The following ROCK2 variants were observed in gnomAD, a reference collection of about 807,000 sequenced individuals.
ROCK2 encodes the protein rho-associated protein kinase 2.
ROCK2 carries 61 observed loss-of-function variants against 195.1 expected under a neutral mutation model. The observed-to-expected ratio is 0.31, with a 90% CI of 0.25 to 0.39. ROCK2 has a LOEUF of 0.39. ROCK2 is among the 10% of genes least tolerant of loss of function. ROCK2 has a pLI of 1.00. For missense variants in ROCK2, 1,109 were observed against 1,637.4 expected, an observed-to-expected ratio of 0.68 and a Z score of 5.57; for synonymous variants, 504 against 545.5, an observed-to-expected ratio of 0.92 and a Z score of 1.06.
At chr2:11,251,210 C>G (rs1184323942) in intron 3 of ROCK2, among the ~76,000 whole-genome samples, 1 of 152,168 alleles carries the variant, frequency 6.6e-6, no homozygotes, top group Non-Finnish European at 1.5e-5. Flanking sequence ...TATTTATCAC[C>G]TATTTCTCAG....
Position 11,293,737 on chromosome 2 carries a change from T to C in ROCK2, c.142-6001A>G, listed in dbSNP as rs116732011. ...TAAAATATCTTGATTACTGTGGCTT[T>C]TTAGGGTTCTCCCTCAAATTTTGTT... is the stretch of plus-strand genomic sequence containing the variant. On this transcript the variant is annotated intron_variant, in intron 1 of 32. Coordinates refer to ENST00000315872, the MANE Select transcript of ROCK2 (RefSeq NM_004850.5). Among the ~76,000 whole-genome samples the C allele has an allele frequency of 8.9e-3, 1,358 of 152,314 alleles. 16 individuals are homozygous for C. Among genetic ancestry groups the C allele is most frequent in the African/African-American group, 0.031 (1,284 of 41,564 alleles).
intron 12 of ROCK2, 90 bp from the exon 13 acceptor site, chr2:11,216,296 G>T: frequency 1.1e-6 from 1 of 942,756 alleles, no homozygotes; most frequent in East Asian, 2.7e-5. Flanking sequence ...TAATTACTTG[G>T]TAGCTCTCCT....
intron 5 of ROCK2, among the ~76,000 whole-genome samples, chr2:11,227,636 A>G (rs983039922): frequency 9.9e-5 from 15 of 152,236 alleles, no homozygotes; most frequent in East Asian, 7.7e-4. Flanking sequence ...GGCTTCCTCA[A>G]TGAAAGAAGA....
chr2:11,324,301 G>A (rs1322996969), intron 1 of ROCK2, among the ~76,000 whole-genome samples: 1 of 152,144 alleles, frequency 6.6e-6, no homozygotes, highest in Non-Finnish European at 1.5e-5. Context: ...TGGGCATGGT[G>A]GTGAGTGCCT....
At chr2:11,219,336 CA>C (rs35159426) in intron 9 of ROCK2, among the ~76,000 whole-genome samples, 1,886 of 67,272 alleles carry the variant, frequency 0.028, 13 homozygotes, top group East Asian at 0.063. Flanking sequence ...CTTATCTCTA[CA>C]AAAAAAAAAA....
chr2:11,235,893 C>T lies in ROCK2; in HGVS notation c.532G>A (p.Val178Ile). ...VMEYMPGGDL[V>I]NLMSNYDVPE... ...ACATCATAATTACTCATAAGGTTTA[C>T]AAGGTCTCCACCAGGCATGTACTCC... The change falls in exon 5 of 33, where the codon GTA becomes ATA. Residue 178 changes from valine (V) to isoleucine (I), a missense_variant. Val to Ile is a conservative substitution (Grantham distance 29). Around this residue, in one of 6 missense-constraint regions of ROCK2, gnomAD observed 253 missense variants for 455.5 expected, o/e 0.56. Coordinates refer to ENST00000315872, the MANE Select transcript of ROCK2 (RefSeq NM_004850.5). The surrounding 1 kb of genome is among the most constrained non-coding windows in gnomAD (Gnocchi z 4.2). 2 of 1,613,848 alleles carry T rather than the reference C, an allele frequency of 1.2e-6. No homozygotes were observed. The highest frequency in any genetic ancestry group is 1.7e-6 in the Non-Finnish European group (2 of 1,179,870).
intron 3 of ROCK2, among the ~76,000 whole-genome samples, chr2:11,254,725 C>CT (rs1665958298): frequency 1.1e-4 from 1 of 9,134 alleles, no homozygotes; most frequent in African/African-American, 2.0e-4. Context: ...GACCCTGTCT[C>CT]TTAAAAAAAA....
intron 1 of ROCK2, among the ~76,000 whole-genome samples, chr2:11,339,758 A>G (rs766263988): frequency 1.3e-5 from 2 of 152,190 alleles, no homozygotes; most frequent in Non-Finnish European, 2.9e-5. Context: ...GTTTAGAGAT[A>G]CACACAAATG....
rs181147067 is a variant in ROCK2, at chr2:11,263,059, T to G, written c.325-13261A>C. On this transcript the variant is annotated intron_variant, in intron 3 of 32. Transcript: ENST00000315872. ...GAAATTACAAAAACATGTTGAGAGA[T>G]AATTTTTGCAACTTAGAAATAACCC... Among the ~76,000 whole-genome samples the G allele has an allele frequency of 5.3e-5, 8 of 152,276 alleles. No individual in the cohort carries two copies. In the East Asian group the frequency reaches 1.5e-3, roughly 29 times the overall value.
chr2:11,264,287 C>T (rs756310922), intron 3 of ROCK2, among the ~76,000 whole-genome samples: 4 of 152,088 alleles, frequency 2.6e-5, no homozygotes, highest in Non-Finnish European at 4.4e-5. Context: ...AACTGGATAA[C>T]GATGGAGTGG....
intron 1 of ROCK2, among the ~76,000 whole-genome samples, chr2:11,322,362 G>T (rs963453497): frequency 6.6e-6 from 1 of 151,536 alleles, no homozygotes; most frequent in Non-Finnish European, 1.5e-5. Context: ...GGTATCACTA[G>T]TGTGTGTATA....
intron 20 of ROCK2, among the ~76,000 whole-genome samples, chr2:11,204,746 G>A (rs1663989985): frequency 1.3e-5 from 2 of 152,104 alleles, no homozygotes; most frequent in Non-Finnish European, 2.9e-5. Flanking sequence ...CTTTTACATT[G>A]TGTCTGGTTC....
chr2:11,341,137 CAATCTGCAACCATAAAAGAGAT>C (rs960005566), intron 1 of ROCK2, among the ~76,000 whole-genome samples: 2 of 151,920 alleles, frequency 1.3e-5, no homozygotes, highest in African/African-American at 4.8e-5. Context: ...AAGCGGCTCA[CAATCTGCAACCATAAAAGAGAT>C]ATACTCTTCT....
At chr2:11,295,052 G>C (rs926988402) in intron 1 of ROCK2, among the ~76,000 whole-genome samples, 7 of 151,938 alleles carry the variant, frequency 4.6e-5, no homozygotes, top group Non-Finnish European at 1.0e-4. Context: ...GCCTCCCAAA[G>C]TGCTAGGATT....
At chr2:11,269,809 G>A (rs954285044) in intron 3 of ROCK2, among the ~76,000 whole-genome samples, 3 of 152,154 alleles carry the variant, frequency 2.0e-5, no homozygotes, top group Non-Finnish European at 4.4e-5. Flanking sequence ...GGAGTAAAGT[G>A]GTATGATCAT....
rs542495119 is a variant in ROCK2 at position 11,252,499 on chromosome 2, C to G, written c.325-2701G>C. On this transcript the variant is annotated intron_variant, in intron 3 of 32. Transcript: ENST00000315872. ...TCATTCTACTATGAAGACACATGCA[C>G]ACGTATGTTTATTGCAGCACTGTTC... Among the ~76,000 whole-genome samples, 4 of 152,212 alleles carry G rather than the reference C, an allele frequency of 2.6e-5. No individual in the cohort carries two copies. The East Asian group carries it at 5.8e-4, about 22-fold the overall frequency.
chr2:11,225,057 C>G (rs1163962554), intron 6 of ROCK2, among the ~76,000 whole-genome samples: 1 of 152,136 alleles, frequency 6.6e-6, no homozygotes, highest in Non-Finnish European at 1.5e-5. Context: ...AAGAGTTAAA[C>G]CAGCTCTATT....
chr2:11,282,423 C>T (rs924064575), intron 3 of ROCK2, among the ~76,000 whole-genome samples: 1 of 151,934 alleles, frequency 6.6e-6, no homozygotes, highest in Non-Finnish European at 1.5e-5. Flanking sequence ...TATAGACTTA[C>T]TATAAAGCTA....
intron 4 of ROCK2, among the ~76,000 whole-genome samples, chr2:11,246,088 T>G (rs1412895492): frequency 6.6e-6 from 1 of 152,164 alleles, no homozygotes; most frequent in African/African-American, 2.4e-5. Context: ...ATCAAGACAC[T>G]GAGCACAAAT....
Sources: gnomAD v4.1 joint callset for allele counts (sites outside exome capture counted in the v4.1 genomes callset) on GRCh38, gnomAD v4.1.1 for gene constraint, gnomAD v4.1.1 regional missense constraint, Gnocchi (gnomAD v3.1) non-coding constraint, MANE v1.5 for transcripts, NCBI Gene and HGNC (gene_info 2026-07-23, HGNC 2026-07-21) for gene names.